ELN: variants seen among roughly 807,000 people sequenced by gnomAD.
The protein encoded by ELN is elastin.
A neutral mutation model predicts 105.8 loss-of-function variants in ELN; 65 were observed. That is an observed-to-expected ratio of 0.61 (90% CI 0.50 to 0.75). The LOEUF is 0.75. ELN is among the 30% of genes least tolerant of loss of function. ELN has a pLI of 0.00. For missense variants in ELN, 882 were observed against 969.4 expected (o/e 0.91, Z 1.20); for synonymous variants, 368 against 389.2 (o/e 0.95, Z 0.64).
At chr7:74,057,239 A>C in intron 21 of ELN, 1 of 733,344 alleles carries the variant, frequency 1.4e-6, no homozygotes, top group Non-Finnish European at 2.0e-6. Context: ...CTCCAACTCT[A>C]AAAATAAAAA....
chr7:74,065,972 G>A lies in ELN; in HGVS notation c.2061G>A (p.Gly687=). ...YGAAGLGGVL[G]GAGQFPLGGV... ...CTGCTGGCCTTGGAGGTGTCCTAGG[G>A]GGTGCCGGGCAGTTCCCACTTGGAG... The change falls in exon 31 of 33, where the codon GGG becomes GGA. Residue 687 remains glycine, a synonymous_variant. Coordinates refer to ENST00000252034, the MANE Select transcript of ELN (RefSeq NM_000501.4). The A allele has an allele frequency of 1.2e-6, 2 of 1,614,110 alleles. No individual in the cohort carries two copies. Among genetic ancestry groups the A allele is most frequent in the Non-Finnish European group, 1.7e-6 (2 of 1,180,006 alleles).
chr7:74,038,104 A>G (rs1488915367), intron 4 of ELN: 3 of 357,364 alleles, frequency 8.4e-6, no homozygotes, highest in East Asian at 1.4e-4. Context: ...CAAGCCTTAC[A>G]TGACCCTCGG....
chr7:74,060,079 C>T, intron 23 of ELN, 32 bp downstream of exon 23: 1 of 1,614,068 alleles, frequency 6.2e-7, no homozygotes. Context: ...GCCTGAGGGG[C>T]CCCCGAAGCC....
At chr7:74,049,156 T>TATCC (rs1793301822) in intron 15 of ELN, among the ~76,000 whole-genome samples, 1 of 140,980 alleles carries the variant, frequency 7.1e-6, no homozygotes, top group Admixed American at 7.1e-5. Context: ...TCCATCCATT[T>TATCC]ATCCATCCAC....
At chr7:74,068,361 G>A (rs1356747545) in intron 32 of ELN, among the ~76,000 whole-genome samples, 1 of 152,190 alleles carries the variant, frequency 6.6e-6, no homozygotes, top group African/African-American at 2.4e-5. Flanking sequence ...AAGGCTTCTT[G>A]GAGCAGTGGA....
At chr7:74,043,526 C>T in intron 8 of ELN, 1 of 675,582 alleles carries the variant, frequency 1.5e-6, no homozygotes, top group Non-Finnish European at 2.7e-6. Context: ...CCATCTGGTA[C>T]TCGTTCTGCC....
At chr7:74,050,371 A>C (rs1793753417) in intron 15 of ELN, among the ~76,000 whole-genome samples, 1 of 149,112 alleles carries the variant, frequency 6.7e-6, no homozygotes, top group African/African-American at 2.5e-5. Context: ...CCATCCATCC[A>C]TTTACCCATC....
In ELN at chr7:74,060,550, G is replaced by C. The variant is rs201047209; in HGVS notation, c.1747+49G>C. 47 of 1,613,978 alleles carry C rather than the reference G, an allele frequency of 2.9e-5. No individual in the cohort carries two copies. The East Asian group carries it at 8.5e-4, about 29-fold the overall frequency. On this transcript the variant is annotated intron_variant, in intron 25 of 32. Coordinates refer to ENST00000252034, the MANE Select transcript of ELN (RefSeq NM_000501.4). ...AGCCTGTCCCCTGAGCTCAGGGAAG[G>C]AGATCCCTCCTCCTCTCAGCACCTC...
chr7:74,041,119 A>C (rs1791103845), intron 4 of ELN, 97 bp from the exon 5 acceptor site: 2 of 1,515,650 alleles, frequency 1.3e-6, no homozygotes, highest in Non-Finnish European at 1.8e-6. Context: ...TAGGGACCTG[A>C]GTGGCTGATC....
chr7:74,045,843 T>C (rs1459166534), intron 10 of ELN: 3 of 340,390 alleles, frequency 8.8e-6, no homozygotes, highest in Non-Finnish European at 1.7e-5. Flanking sequence ...GAGGTCAGCC[T>C]GACCAACACG....
chr7:74,052,920 GAA>G, intron 17 of ELN: 1 of 568,044 alleles, frequency 1.8e-6, no homozygotes. Context: ...AGGAAGGAAA[GAA>G]AAGAAAAGAA....
At chr7:74,030,311 G>C (rs1554661464) in intron 1 of ELN, among the ~76,000 whole-genome samples, 1 of 152,162 alleles carries the variant, frequency 6.6e-6, no homozygotes, top group African/African-American at 2.4e-5. Flanking sequence ...TGTCACTTAT[G>C]CAAGTTCAGC....
intron 22 of ELN, 104 bp downstream of exon 22, chr7:74,057,800 T>C (rs1276126552): frequency 3.7e-5 from 50 of 1,350,620 alleles, no homozygotes; most frequent in Non-Finnish European, 5.3e-5. Flanking sequence ...CCACCCCACT[T>C]AAGCTGTCAC....
intron 32 of ELN, 48 bp downstream of exon 32, chr7:74,066,824 C>T (rs1289804471): frequency 6.3e-7 from 1 of 1,584,478 alleles, no homozygotes; most frequent in Non-Finnish European, 8.7e-7. Context: ...GCTGCAGCCA[C>T]CTCCTCCCTC....
At chr7:74,066,706 C>T in intron 31 of ELN, 26 bp from the exon 32 acceptor site, 2 of 1,613,836 alleles carry the variant, frequency 1.2e-6, no homozygotes, top group Non-Finnish European at 1.7e-6. Context: ...CCCTACCAAC[C>T]CACCAACCTG....
chr7:74,061,610 C>T (rs1796673282), intron 26 of ELN, among the ~76,000 whole-genome samples: 1 of 152,088 alleles, frequency 6.6e-6, no homozygotes, highest in African/African-American at 2.4e-5. Flanking sequence ...CGAGATCACG[C>T]CACTGCACTC....
chr7:74,057,279 C>A, intron 21 of ELN: 1 of 902,266 alleles, frequency 1.1e-6, no homozygotes. Context: ...ATTGAAGGTG[C>A]CAGGAAGCCA....
intron 4 of ELN, among the ~76,000 whole-genome samples, chr7:74,040,687 T>C (rs1396805874): frequency 2.0e-5 from 3 of 151,908 alleles, no homozygotes; most frequent in Non-Finnish European, 4.4e-5. Context: ...TGGGCCCAGA[T>C]GTGGGGAGGA....
chr7:74,048,082 G>C, intron 13 of ELN, 60 bp from the exon 14 acceptor site: 1 of 1,604,024 alleles, frequency 6.2e-7, no homozygotes. Context: ...AGCAGGGGGA[G>C]GGGGAGGGCA....
Sources: gnomAD v4.1 joint callset for allele counts (sites outside exome capture counted in the v4.1 genomes callset) on GRCh38, gnomAD v4.1.1 for gene constraint, MANE v1.5 for transcripts, NCBI Gene and HGNC (gene_info 2026-07-23, HGNC 2026-07-21) for gene names.